GNAS: variants seen among roughly 807,000 people sequenced by gnomAD.
The protein encoded by GNAS is GNAS complex locus, also known as protein ALEX.
In GNAS, 8 loss-of-function variants were observed where a neutral mutation model predicts 54.5. The ratio of observed to expected loss-of-function variants is 0.15; its 90% CI spans 0.09 to 0.26. The LOEUF is 0.26. Ranked by LOEUF, GNAS falls within the 10% of genes least tolerant of loss-of-function variation. The pLI is 1.00. For synonymous variants in GNAS, 204 were observed against 191.4 expected (o/e 1.07, Z -0.54); for missense variants, 170 against 529.8 (o/e 0.32, Z 6.67).
chr20:58,905,581 C>G (rs2090987657), intron 6 of GNAS, 101 bp downstream of exon 6: 5 of 773,698 alleles, frequency 6.5e-6, no homozygotes, highest in Admixed American at 5.6e-5. Context: ...TTGATGATTC[C>G]TTTCTTAGAA....
intron 1 of GNAS, among the ~76,000 whole-genome samples, chr20:58,878,912 T>TGGGGGGGGGGGGGGGG (rs11086659): frequency 6.1e-4 from 58 of 95,346 alleles, no homozygotes; most frequent in African/African-American, 7.7e-4. Context: ...GGGGTGCGGG[T>TGGGGGGGGGGGGGGGG]GGGGGGGGGA....
At chr20:58,854,858 C>A (rs1015746912) in intron 1 of GNAS, 104 of 1,596,964 alleles carry the variant, frequency 6.5e-5, no homozygotes, top group Non-Finnish European at 8.2e-5. Context: ...TCAGACCCCC[C>A]AGCCCCGAGA....
At chr20:58,855,087 C>T (rs374413745) in intron 1 of GNAS, 6 of 1,613,558 alleles carry the variant, frequency 3.7e-6, no homozygotes, top group Non-Finnish European at 8.5e-7. Context: ...GCGCAACTTA[C>T]TCCGCAACTT....
Position 58,841,362 on chromosome 20 carries a change from A to G in GNAS, c.43+476A>G. On this transcript the variant is annotated intron_variant, in intron 1 of 12. Transcript: ENST00000306090. The surrounding 1 kb of genome is among the most constrained non-coding windows in gnomAD (Gnocchi z 5.0). The stretch of plus-strand genomic sequence containing the variant: ...GTGAGAGCAGCCGCGCTGTAGAGAC[A>G]CCGTTGAAATGTGCGGAAAGTAATC... 1 of 1,029,356 alleles carries G rather than the reference A, an allele frequency of 9.7e-7. No individual in the cohort carries two copies. The highest frequency in any genetic ancestry group is 1.2e-6 in the Non-Finnish European group (1 of 856,850). 63.8% of individuals were successfully genotyped at this position (1,029,356 alleles called of 1,614,324 possible).
chr20:58,902,725 C>CTTTTTTTTT (rs60022134), intron 3 of GNAS, among the ~76,000 whole-genome samples: 1,039 of 69,504 alleles, frequency 0.015, 215 homozygotes, highest in African/African-American at 0.053. Context: ...GCACATACGA[C>CTTTTTTTTT]TTTTTTTTTT....
rs771705557 is a variant in GNAS, at chr20:58,905,451, C to A, written c.501C>A (p.Asn167Lys). The change falls in exon 6 of 13, where the codon AAC (asparagine) becomes AAA (lysine). Residue 167 changes from asparagine (N) to lysine (K), a missense_variant. Physicochemically the swap from Asn to Lys is moderately conservative, Grantham distance 94. Coordinates refer to ENST00000371085, the MANE Select transcript of GNAS (RefSeq NM_000516.7). ...TGCGTGCCTGCTACGAACGCTCCAACGAGTACCAGCTGATTGACTGTGCCC... is the reference window on the plus strand; with the variant it reads ...TGCGTGCCTGCTACGAACGCTCCAAAGAGTACCAGCTGATTGACTGTGCCC... ...EGVRACYERS[N>K]EYQLIDCAQY... 2 of 1,603,158 alleles carry A rather than the reference C, an allele frequency of 1.2e-6. No homozygotes were observed. The highest frequency in any genetic ancestry group is 1.7e-6 in the Non-Finnish European group (2 of 1,169,972).
At position 58,853,443 on chromosome 20, in the gene GNAS, C is replaced by A. The variant is rs947275731; in HGVS notation, c.43+12557C>A. The A allele has an allele frequency of 6.2e-7, 1 of 1,609,772 alleles. No homozygotes were observed. Among genetic ancestry groups the A allele is most frequent in the Non-Finnish European group, 8.5e-7 (1 of 1,178,290 alleles). On this transcript the variant is annotated intron_variant, in intron 1 of 12. Transcript: ENST00000306090. The surrounding 1 kb of genome is among the most constrained non-coding windows in gnomAD (Gnocchi z 4.4). ...CGAACCGCCTCACAACGAGCCCATC[C>A]CCGTCGAGAATGATGGCGAGGCCTG...
intron 6 of GNAS, among the ~76,000 whole-genome samples, chr20:58,908,437 C>G (rs1468792131): frequency 6.6e-6 from 1 of 151,840 alleles, no homozygotes; most frequent in Non-Finnish European, 1.5e-5. Flanking sequence ...AGAAGGGCCC[C>G]TTTGTGCCAA....
intron 2 of GNAS, 147 bp downstream of exon 2, chr20:58,895,831 G>T: frequency 1.5e-6 from 1 of 670,184 alleles, no homozygotes; most frequent in Non-Finnish European, 2.7e-6. Flanking sequence ...TCCTGGGAAG[G>T]GCTCTTTAGG....
intron 1 of GNAS, among the ~76,000 whole-genome samples, chr20:58,885,620 GA>G (rs11475102): frequency 0.13 from 19,747 of 151,086 alleles, 1,890 homozygotes; most frequent in African/African-American, 0.27. Flanking sequence ...AATATGACAA[GA>G]AAAAAAAATG....
intron 3 of GNAS, among the ~76,000 whole-genome samples, chr20:58,902,725 C>CTTTTTT (rs60022134): frequency 0.085 from 5,918 of 69,486 alleles, 1,501 homozygotes; most frequent in Admixed American, 0.15. Flanking sequence ...GCACATACGA[C>CTTTTTT]TTTTTTTTTT....
In GNAS at chr20:58,899,945, T is replaced by C. The variant is rs1190836354; in HGVS notation, c.257+960T>C. On this transcript the variant is annotated intron_variant, in intron 3 of 12. Transcript: ENST00000371085. ...ACACATGTTTGTTCATCTGTTTCTT[T>C]TAGAATATAATATCCCTAGATGATG... 6 of 717,972 alleles carry C rather than the reference T, an allele frequency of 8.4e-6. No individual in the cohort carries two copies. In the Admixed American group the frequency reaches 1.2e-4, roughly 14 times the overall value. 44.5% of individuals were successfully genotyped at this position (717,972 alleles called of 1,614,324 possible).
At position 58,853,068 on chromosome 20, in the gene GNAS, G is replaced by C; in HGVS notation, c.43+12182G>C. ...AGCCAAGACTCCACCAGCAACAATT[G>C]AGTTGCTTCAGCCTCAGTCTAGGGT... On this transcript the variant is annotated intron_variant, in intron 1 of 12. Coordinates refer to the GNAS transcript ENST00000306090. The surrounding 1 kb of genome is among the most constrained non-coding windows in gnomAD (Gnocchi z 4.4). The C allele has an allele frequency of 7.2e-7, 1 of 1,381,640 alleles. No homozygotes were observed. Among genetic ancestry groups the C allele is most frequent in the Non-Finnish European group, 9.3e-7 (1 of 1,072,592 alleles). 85.6% of individuals were successfully genotyped at this position (1,381,640 alleles called of 1,614,324 possible). A position where few individuals can be genotyped will look rare whatever the true frequency, so the allele number is the denominator to read the frequency against.
chr20:58,840,083 G>T, upstream of GNAS: 1 of 1,608,808 alleles, frequency 6.2e-7, no homozygotes. The surrounding 1 kb of genome is among the most constrained non-coding windows in gnomAD (Gnocchi z 6.0). Context: ...GGGCAGGCCG[G>T]CTTCTCGGTG....
rs797045046 is a variant in GNAS at position 58,891,760 on chromosome 20, C to G, written c.34C>G (p.Gln12Glu). 7.9e-7 allele frequency: 1 copy of G among 1,260,052 alleles called. No homozygotes were observed. Among genetic ancestry groups the G allele is most frequent in the Admixed American group, 2.2e-5 (1 of 45,236 alleles). 78.1% of individuals were successfully genotyped at this position (1,260,052 alleles called of 1,614,324 possible). Reference protein sequence around the residue: ...GCLGNSKTEDQRNEEKAQREA... With the variant: ...GCLGNSKTEDERNEEKAQREA... ...CCTCGGGAACAGTAAGACCGAGGAC[C>G]AGCGCAACGAGGAGAAGGCGCAGCG... The change falls in exon 1 of 13, where the codon CAG (glutamine) becomes GAG (glutamate). Residue 12 changes from glutamine to glutamate, a missense_variant. Physicochemically the swap from Gln to Glu is conservative, Grantham distance 29 (BLOSUM62 2). Coordinates refer to ENST00000371085, the MANE Select transcript of GNAS (RefSeq NM_000516.7).
rs1057520715 is a variant in GNAS at position 58,891,851 on chromosome 20, G to A, written c.125G>A (p.Arg42His). Residue 42 changes from arginine to histidine, a missense_variant, in exon 1 of 13, where the codon CGC (arginine) becomes CAC (histidine). Physicochemically the swap from Arg to His is conservative, Grantham distance 29. Transcript: ENST00000371085. ...KDKQVYRATH[R>H]LLLLGAGESG... ...AAGCAGGTCTACCGGGCCACGCACCGCCTGCTGCTGCTGGGTAAGGGCGGG... is the reference window on the plus strand; with the variant it reads ...AAGCAGGTCTACCGGGCCACGCACCACCTGCTGCTGCTGGGTAAGGGCGGG... 2 of 1,231,544 alleles carry A rather than the reference G, an allele frequency of 1.6e-6. No individual in the cohort carries two copies. The highest frequency in any genetic ancestry group is 1.4e-5 in the South Asian group (1 of 69,222). The allele number at this position is 1,231,544 out of a possible 1,614,324, so 76.3% of individuals were successfully genotyped here. A position where few individuals can be genotyped will look rare whatever the true frequency, so the allele number is the denominator to read the frequency against.
At chr20:58,885,791 C>T (rs563667967) in intron 1 of GNAS, among the ~76,000 whole-genome samples, 15 of 152,232 alleles carry the variant, frequency 9.9e-5, no homozygotes, top group Non-Finnish European at 2.1e-4. Flanking sequence ...ATAGCAGTTT[C>T]AGTCATTCTA....
At chr20:58,851,240 T>C (rs2086160000) in intron 1 of GNAS, among the ~76,000 whole-genome samples, 1 of 152,148 alleles carries the variant, frequency 6.6e-6, no homozygotes, top group African/African-American at 2.4e-5. Flanking sequence ...GCCACATGGA[T>C]GGTGGATGCA....
rs767985433 is a variant in GNAS at position 58,909,650 on chromosome 20, G to A, written c.719-34G>A. 8 of 1,614,154 alleles carry A rather than the reference G, an allele frequency of 5.0e-6. No individual in the cohort carries two copies. The highest frequency in any genetic ancestry group is 2.2e-5 in the East Asian group (1 of 44,892). ...TGTGTTGTTAGGGATCAGGGTCGCT[G>A]CTCACGCTCTTGGCTTTGCTCTCTT... On this transcript the variant is annotated intron_variant, in intron 9 of 12. Transcript: ENST00000371085. The surrounding 1 kb of genome is among the most constrained non-coding windows in gnomAD (Gnocchi z 7.3).
Sources: allele counts gnomAD v4.1 joint callset (sites outside exome capture counted in the v4.1 genomes callset), GRCh38; gene constraint gnomAD v4.1.1; non-coding constraint Gnocchi (gnomAD v3.1); transcripts MANE v1.5; gene names NCBI Gene and HGNC (gene_info 2026-07-23, HGNC 2026-07-21).